SUGCT: variants seen among roughly 807,000 people sequenced by gnomAD.
SUGCT encodes succinyl-CoA:glutarate-CoA transferase, also known as succinyl-CoA:glutarate CoA-transferase.
SUGCT carries 41 observed loss-of-function variants against 55.0 expected under a neutral mutation model. The observed-to-expected ratio is 0.74, with a 90% CI of 0.58 to 0.97. SUGCT has a LOEUF of 0.97. SUGCT is among the 50% of genes least tolerant of loss of function. The pLI is 0.00. For synonymous variants in SUGCT, 187 were observed against 200.4 expected, an observed-to-expected ratio of 0.93 and a Z score of 0.56; for missense variants, 568 against 547.8, an observed-to-expected ratio of 1.04 and a Z score of -0.37.
chr7:40,709,967 G>C (rs1483736702), intron 12 of SUGCT, among the ~76,000 whole-genome samples: 1 of 152,172 alleles, frequency 6.6e-6, no homozygotes, highest in Non-Finnish European at 1.5e-5. Flanking sequence ...GCATACTGAA[G>C]ATTGCCTTGA....
chr7:40,717,866 A>G (rs1265921784), intron 12 of SUGCT, among the ~76,000 whole-genome samples: 1 of 152,170 alleles, frequency 6.6e-6, no homozygotes, highest in Non-Finnish European at 1.5e-5. Flanking sequence ...AATATTTGGA[A>G]CTAAATTTAT....
chr7:40,574,319 A>G (rs561678300), intron 12 of SUGCT, among the ~76,000 whole-genome samples: 1 of 152,350 alleles, frequency 6.6e-6, no homozygotes, highest in South Asian at 2.1e-4. Context: ...AACTCCTTAT[A>G]AAACAAACCC....
At chr7:40,430,604 T>A (rs975988119) in intron 9 of SUGCT, among the ~76,000 whole-genome samples, 11 of 152,310 alleles carry the variant, frequency 7.2e-5, no homozygotes, top group African/African-American at 2.6e-4. Flanking sequence ...GTTTTCCCAA[T>A]CTCTAAGTTG....
At chr7:40,634,969 G>T (rs532831195) in intron 12 of SUGCT, among the ~76,000 whole-genome samples, 1 of 152,068 alleles carries the variant, frequency 6.6e-6, no homozygotes, top group Non-Finnish European at 1.5e-5. Flanking sequence ...TAGATCGAAC[G>T]CAGTTGAAGT....
At chr7:40,653,619 C>T (rs1269604055) in intron 12 of SUGCT, among the ~76,000 whole-genome samples, 2 of 152,118 alleles carry the variant, frequency 1.3e-5, no homozygotes, top group African/African-American at 2.4e-5. Context: ...TTTCTTCTCT[C>T]CTCTCTTCTG....
chr7:40,963,839 T>C, the SUGCT span, among the ~76,000 whole-genome samples: 1 of 152,242 alleles, frequency 6.6e-6, no homozygotes, highest in East Asian at 1.9e-4. Context: ...TGTTTCATGC[T>C]GTTCAGTATT....
At chr7:40,254,276 G>A (rs1362175400) in intron 7 of SUGCT, among the ~76,000 whole-genome samples, 1 of 151,054 alleles carries the variant, frequency 6.6e-6, no homozygotes, top group East Asian at 1.9e-4. Flanking sequence ...TTCAAGAAAT[G>A]TCTTTTGGGG....
the SUGCT span, among the ~76,000 whole-genome samples, chr7:40,920,074 C>A: frequency 3.4e-4 from 51 of 152,070 alleles, no homozygotes; most frequent in Non-Finnish European, 4.9e-4. Flanking sequence ...TTCTTGACTA[C>A]CTTCTTCCAC....
chr7:40,560,991 T>G (rs1285470198), intron 12 of SUGCT, among the ~76,000 whole-genome samples: 1 of 152,240 alleles, frequency 6.6e-6, no homozygotes. Flanking sequence ...GGAAATGTTT[T>G]GAAATTTGTT....
At chr7:40,311,986 A>T (rs1483582832) in intron 8 of SUGCT, among the ~76,000 whole-genome samples, 1 of 152,120 alleles carries the variant, frequency 6.6e-6, no homozygotes, top group Non-Finnish European at 1.5e-5. Flanking sequence ...ATATTGTAGC[A>T]TGGAGGAAGG....
intron 1 of SUGCT, among the ~76,000 whole-genome samples, chr7:40,162,850 A>G (rs192747912): frequency 0.01 from 1,542 of 152,262 alleles, 37 homozygotes; most frequent in South Asian, 0.011. Flanking sequence ...GAAACAGTCT[A>G]CCCTGAAATA....
chr7:40,608,980 T>C (rs1798645229), intron 12 of SUGCT, among the ~76,000 whole-genome samples: 1 of 152,184 alleles, frequency 6.6e-6, no homozygotes, highest in Admixed American at 6.5e-5. Flanking sequence ...TTTTTTGGTT[T>C]TCTCATTTAG....
rs199961855 is a variant in SUGCT at position 40,186,090 on chromosome 7, T to TCTTCCTTCCTTCCTTCCTTCCTTC, written c.227-2397_227-2374dup. Reference sequence around the variant, plus strand: ...TTTTCTTTCTTTCTTTCTCTCTTTTTCTTCCTTCCTTCCTTCCTTCCTTCC... The same window carrying TCTTCCTTCCTTCCTTCCTTCCTTC: ...TTTTCTTTCTTTCTTTCTCTCTTTTTCTTCCTTCCTTCCTTCCTTCCTTCCTTCCTTCCTTCCTTCCTTCCTTCC... On this transcript the variant is annotated intron_variant, in intron 3 of 13. Coordinates refer to ENST00000335693, the MANE Select transcript of SUGCT (RefSeq NM_001193313.2). Among the ~76,000 whole-genome samples, 107 of 146,972 alleles carry TCTTCCTTCCTTCCTTCCTTCCTTC rather than the reference T, an allele frequency of 7.3e-4. 3 individuals carry two copies. The highest frequency in any genetic ancestry group is 2.7e-3 in the African/African-American group (103 of 37,848).
Position 40,242,159 on chromosome 7 carries a change from ACT to A in SUGCT, c.576+4436_576+4437del, listed in dbSNP as rs371750910. ...GGTACTTCCAGGTATGTTTTGACAAACTCTTTTTTTTTCTTTTCTTTTTTTTT... is the reference window on the plus strand; with the variant it reads ...GGTACTTCCAGGTATGTTTTGACAAACTTTTTTTTTCTTTTCTTTTTTTTT... On this transcript the variant is annotated intron_variant, in intron 7 of 13. Transcript: ENST00000335693. 4.9e-3 allele frequency among the ~76,000 whole-genome samples: 729 copies of A among 147,654 alleles called. 6 individuals are homozygous for A. The highest frequency in any genetic ancestry group is 0.017 in the African/African-American group (693 of 40,052).
chr7:40,421,379 T>C, intron 9 of SUGCT, among the ~76,000 whole-genome samples: 1 of 152,160 alleles, frequency 6.6e-6, no homozygotes, highest in East Asian at 1.9e-4. Context: ...CATTAGCATT[T>C]GCACTGAGAG....
chr7:40,645,550 A>G (rs895919452), intron 12 of SUGCT, among the ~76,000 whole-genome samples: 1 of 152,158 alleles, frequency 6.6e-6, no homozygotes, highest in Non-Finnish European at 1.5e-5. Context: ...AGCACTGTGG[A>G]TTCATCCTCC....
intron 12 of SUGCT, among the ~76,000 whole-genome samples, chr7:40,509,315 C>T (rs1792794811): frequency 6.6e-6 from 1 of 152,044 alleles, no homozygotes; most frequent in Admixed American, 6.6e-5. Context: ...CTTTCATTAC[C>T]CTAATCTACT....
At chr7:40,482,934 CT>C (rs1791135443) in intron 11 of SUGCT, among the ~76,000 whole-genome samples, 1 of 152,170 alleles carries the variant, frequency 6.6e-6, no homozygotes, top group South Asian at 2.1e-4. Flanking sequence ...CTTACTCCAT[CT>C]TTTGTGTGGC....
intron 3 of SUGCT, among the ~76,000 whole-genome samples, chr7:40,182,561 CAAAAAAAAAAAA>C (rs533687452): frequency 1.5e-5 from 1 of 66,114 alleles, no homozygotes; most frequent in Non-Finnish European, 3.3e-5. Flanking sequence ...GACTCCGTTT[CAAAAAAAAAAAA>C]AAAAATGAAA....
Sources: gnomAD v4.1 joint callset for allele counts (sites outside exome capture counted in the v4.1 genomes callset) on GRCh38, gnomAD v4.1.1 for gene constraint, MANE v1.5 for transcripts, NCBI Gene and HGNC (gene_info 2026-07-23, HGNC 2026-07-21) for gene names.